The following NRG1 variants were observed in gnomAD, a reference collection of about 807,000 sequenced individuals.
NRG1 encodes the protein pro-neuregulin-1, membrane-bound isoform.
Under a neutral mutation model 63.8 loss-of-function variants are expected in NRG1, and 18 were observed. The ratio of observed to expected loss-of-function variants is 0.28; its 90% CI spans 0.19 to 0.42. The LOEUF is 0.42. Ranked by LOEUF, NRG1 falls within the 10% of genes least tolerant of loss-of-function variation. The pLI, the probability that NRG1 is intolerant of heterozygous loss-of-function variation, is 1.00. For missense variants in NRG1, 762 were observed against 814.7 expected (o/e 0.94, Z 0.79); for synonymous variants, 302 against 301.3 (o/e 1.00, Z -0.02).
At chr8:32,584,342 T>C (rs959080705) in intron 1 of NRG1, among the ~76,000 whole-genome samples, 1 of 152,048 alleles carries the variant, frequency 6.6e-6, no homozygotes, top group African/African-American at 2.4e-5. Context: ...TCCTGTGGGG[T>C]AGAAGTAAAA....
At chr8:31,665,193 G>T (rs1301294599) in intron 1 of NRG1, among the ~76,000 whole-genome samples, 1 of 152,170 alleles carries the variant, frequency 6.6e-6, no homozygotes, top group East Asian at 1.9e-4. Flanking sequence ...CCATTTTAGA[G>T]TAAGGAAGCA....
At chr8:32,110,336 A>G (rs897035078) in intron 1 of NRG1, among the ~76,000 whole-genome samples, 1 of 152,158 alleles carries the variant, frequency 6.6e-6, no homozygotes, top group African/African-American at 2.4e-5. Flanking sequence ...AGAAAGTCAA[A>G]GGAAAGGAGA....
intron 1 of NRG1, among the ~76,000 whole-genome samples, chr8:31,725,872 A>G (rs1332764587): frequency 6.6e-6 from 1 of 152,182 alleles, no homozygotes; most frequent in Non-Finnish European, 1.5e-5. Context: ...GTCTCATCAC[A>G]CAAGTGGTAA....
intron 1 of NRG1, among the ~76,000 whole-genome samples, chr8:31,922,399 T>C (rs1833991779): frequency 6.6e-6 from 1 of 152,196 alleles, no homozygotes; most frequent in South Asian, 2.1e-4. Flanking sequence ...GTCCAAAATA[T>C]ACATCAATAA....
chr8:32,067,028 T>C (rs983164993), intron 1 of NRG1, among the ~76,000 whole-genome samples: 2 of 152,156 alleles, frequency 1.3e-5, no homozygotes, highest in Non-Finnish European at 2.9e-5. Context: ...TGATTTTTGC[T>C]CATCGATTTT....
rs1445103371 is a variant in NRG1 at position 32,086,868 on chromosome 8, G to A, written c.37+447437G>A. On this transcript the variant is annotated intron_variant, in intron 1 of 10. Coordinates refer to the NRG1 transcript ENST00000519301. ...GAAATAATGAGTCAGTCTTCTTGAA[G>A]TTTTTTACATTATTATAGTAAGAAC... 2.0e-5 allele frequency among the ~76,000 whole-genome samples: 3 copies of A among 152,110 alleles called. No individual in the cohort carries two copies. The South Asian group carries it at 6.2e-4, about 31-fold the overall frequency.
intron 1 of NRG1, among the ~76,000 whole-genome samples, chr8:31,842,472 C>T (rs1329399759): frequency 6.6e-6 from 1 of 152,140 alleles, no homozygotes; most frequent in Non-Finnish European, 1.5e-5. Context: ...TTCCTAAATC[C>T]TAATTTAGCT....
chr8:32,641,190 A>G (rs959392087), intron 5 of NRG1, among the ~76,000 whole-genome samples: 22 of 150,798 alleles, frequency 1.5e-4, no homozygotes, highest in African/African-American at 5.3e-4. Context: ...TATGTAAATT[A>G]ATATCAAGTT....
At chr8:31,715,240 AG>A (rs1812237975) in intron 1 of NRG1, among the ~76,000 whole-genome samples, 1 of 152,328 alleles carries the variant, frequency 6.6e-6, no homozygotes, top group South Asian at 2.1e-4. Flanking sequence ...ATGTAATATT[AG>A]AGGTGGAAAC....
intron 1 of NRG1, among the ~76,000 whole-genome samples, chr8:32,511,369 A>G (rs10102690): frequency 0.087 from 4,429 of 50,762 alleles, 75 homozygotes; most frequent in East Asian, 0.16. Flanking sequence ...ATATATGTGT[A>G]TATATATATA....
chr8:31,903,196 T>G (rs1832236376), intron 1 of NRG1, among the ~76,000 whole-genome samples: 1 of 139,406 alleles, frequency 7.2e-6, no homozygotes, highest in Non-Finnish European at 1.5e-5. Flanking sequence ...TTGCCCAGGC[T>G]GAAGTGCAGT....
At chr8:31,775,993 T>C (rs1235338905) in intron 1 of NRG1, among the ~76,000 whole-genome samples, 2 of 151,994 alleles carry the variant, frequency 1.3e-5, no homozygotes, top group Non-Finnish European at 2.9e-5. Context: ...TGTTTTAAAA[T>C]GTGTCTGATG....
At chr8:32,433,085 C>T (rs11782671) in intron 1 of NRG1, among the ~76,000 whole-genome samples, 60,184 of 151,856 alleles carry the variant, frequency 0.4, 12,220 homozygotes, top group Admixed American at 0.49. Flanking sequence ...ATCTGCCCCA[C>T]AGCTATTTTG....
intron 1 of NRG1, among the ~76,000 whole-genome samples, chr8:31,960,340 T>C (rs1805242288): frequency 6.6e-6 from 1 of 152,104 alleles, no homozygotes; most frequent in South Asian, 2.1e-4. Flanking sequence ...CGAGTTCATA[T>C]AGGGAGTGAG....
chr8:32,469,746 G>C (rs912870479), intron 1 of NRG1, among the ~76,000 whole-genome samples: 21 of 152,166 alleles, frequency 1.4e-4, no homozygotes, highest in African/African-American at 5.1e-4. Context: ...GCTAAGGAAA[G>C]TCAGAGGAAG....
chr8:31,652,983 T>C (rs372533118), intron 1 of NRG1, among the ~76,000 whole-genome samples: 29 of 27,278 alleles, frequency 1.1e-3, no homozygotes, highest in South Asian at 5.6e-3. Context: ...TCCTCTCCTC[T>C]CCTCTCCTCT....
downstream of NRG1, among the ~76,000 whole-genome samples, chr8:32,768,158 T>C (rs945721339): frequency 6.6e-6 from 1 of 152,224 alleles, no homozygotes; most frequent in African/African-American, 2.4e-5. Context: ...ATGCTGTTTA[T>C]CACTTTCTTC....
intron 5 of NRG1, among the ~76,000 whole-genome samples, chr8:32,643,056 CCAGCTT>C (rs1179238845): frequency 1.3e-5 from 2 of 152,140 alleles, no homozygotes; most frequent in East Asian, 3.9e-4. Context: ...TTCATTGAAG[CCAGCTT>C]AGAAGGAAGC....
At chr8:32,222,813 T>G (rs761112147) in intron 1 of NRG1, among the ~76,000 whole-genome samples, 1 of 152,206 alleles carries the variant, frequency 6.6e-6, no homozygotes, top group Non-Finnish European at 1.5e-5. Flanking sequence ...AGGAAATATA[T>G]TGATCAAAAT....
Sources: gnomAD v4.1 joint callset for allele counts (sites outside exome capture counted in the v4.1 genomes callset) on GRCh38, gnomAD v4.1.1 for gene constraint, MANE v1.5 for transcripts, NCBI Gene and HGNC (gene_info 2026-07-23, HGNC 2026-07-21) for gene names.